Variants in EHBP1 observed in about 807,000 individuals in gnomAD.
EHBP1 encodes the protein EH domain binding protein 1, also known as EH domain-binding protein 1.
Under a neutral mutation model 144.0 loss-of-function variants are expected in EHBP1, and 55 were observed. The observed-to-expected ratio is 0.38, with a 90% CI of 0.31 to 0.48. The LOEUF (loss-of-function observed/expected upper bound fraction) is 0.48, where lower values mean the gene tolerates loss of function less well. Ranked by LOEUF, EHBP1 falls within the 20% of genes least tolerant of loss-of-function variation. The pLI is 0.98. For synonymous variants in EHBP1, 469 were observed against 472.7 expected, an observed-to-expected ratio of 0.99 and a Z score of 0.10; for missense variants, 1,200 against 1,364.2, an observed-to-expected ratio of 0.88 and a Z score of 1.90.
intron 6 of EHBP1, among the ~76,000 whole-genome samples, chr2:62,829,041 C>T (rs2046564080): frequency 6.6e-6 from 1 of 151,552 alleles, no homozygotes; most frequent in South Asian, 2.1e-4. Flanking sequence ...TTGCTTGAGC[C>T]CAGGAAGATG....
At chr2:62,757,999 G>A (rs1346149505) in intron 3 of EHBP1, among the ~76,000 whole-genome samples, 1 of 148,598 alleles carries the variant, frequency 6.7e-6, no homozygotes, top group Non-Finnish European at 1.5e-5. Flanking sequence ...GCGAAAGAGC[G>A]AGACTCTGTC....
At chr2:63,011,924 A>G (rs1450419812) in intron 19 of EHBP1, among the ~76,000 whole-genome samples, 1 of 151,946 alleles carries the variant, frequency 6.6e-6, no homozygotes, top group Non-Finnish European at 1.5e-5. Context: ...CAGTAGAACA[A>G]CTCAATGTTG....
chr2:62,958,165 A>G (rs889218401), intron 14 of EHBP1, among the ~76,000 whole-genome samples: 3 of 152,170 alleles, frequency 2.0e-5, no homozygotes, highest in African/African-American at 2.4e-5. Flanking sequence ...GCCATTGCTT[A>G]TGAAGCTAAA....
intron 3 of EHBP1, among the ~76,000 whole-genome samples, chr2:62,748,315 G>A (rs75758126): frequency 0.04 from 6,125 of 152,040 alleles, 173 homozygotes; most frequent in Non-Finnish European, 0.06. Flanking sequence ...GTGGGGAGTG[G>A]AACCGAATTT....
At chr2:62,702,088 A>T (rs1437493738), upstream of EHBP1, among the ~76,000 whole-genome samples, 1 of 152,174 alleles carries the variant, frequency 6.6e-6, no homozygotes, top group Non-Finnish European at 1.5e-5. Context: ...TTGAATCTCC[A>T]TTTGGGGAGT....
intron 7 of EHBP1, among the ~76,000 whole-genome samples, chr2:62,833,532 GGT>G (rs902731305): frequency 2.0e-5 from 3 of 152,128 alleles, no homozygotes; most frequent in Non-Finnish European, 4.4e-5. Flanking sequence ...TTTATCGCGT[GGT>G]TTACTGAATA....
chr2:62,996,465 T>A (rs1214483339), intron 18 of EHBP1, among the ~76,000 whole-genome samples, 178 bp from the exon 19 acceptor site: 1 of 152,170 alleles, frequency 6.6e-6, no homozygotes, highest in Non-Finnish European at 1.5e-5. Context: ...TATAAAAGTT[T>A]GGTATATGTA....
At chr2:62,965,748 C>T (rs192300345) in intron 14 of EHBP1, among the ~76,000 whole-genome samples, 1 of 152,318 alleles carries the variant, frequency 6.6e-6, no homozygotes, top group East Asian at 1.9e-4. Flanking sequence ...ATCTGTGAGA[C>T]AGCTCCTTCA....
chr2:62,873,211 G>A (rs932585409), intron 9 of EHBP1, among the ~76,000 whole-genome samples: 2 of 151,970 alleles, frequency 1.3e-5, no homozygotes, highest in African/African-American at 4.8e-5. Flanking sequence ...AAAAGAAATA[G>A]GATTATACAT....
At chr2:62,973,754 C>A (rs990477948) in intron 14 of EHBP1, among the ~76,000 whole-genome samples, 1 of 152,132 alleles carries the variant, frequency 6.6e-6, no homozygotes. Flanking sequence ...AATCCCTACA[C>A]TTTGGGAGGC....
chr2:62,844,679 GCCCTGATGAAT>G (rs1003854182), intron 7 of EHBP1, among the ~76,000 whole-genome samples: 5 of 152,072 alleles, frequency 3.3e-5, no homozygotes, highest in Non-Finnish European at 5.9e-5. Flanking sequence ...TAAAGACAAG[GCCCTGATGAAT>G]ACATCACAGA....
intron 20 of EHBP1, among the ~76,000 whole-genome samples, chr2:63,038,114 G>A (rs2061518583): frequency 6.6e-6 from 1 of 151,998 alleles, no homozygotes; most frequent in Non-Finnish European, 1.5e-5. Flanking sequence ...ACAGTAAAAT[G>A]GAGTCTAGAC....
intron 2 of EHBP1, among the ~76,000 whole-genome samples, chr2:62,708,354 A>G (rs1048625960): frequency 1.3e-5 from 2 of 152,230 alleles, no homozygotes; most frequent in African/African-American, 4.8e-5. Context: ...AGAATACAAC[A>G]TAATCCCTGT....
At chr2:62,870,273 G>A (rs557231231) in intron 9 of EHBP1, among the ~76,000 whole-genome samples, 32 of 152,216 alleles carry the variant, frequency 2.1e-4, no homozygotes, top group African/African-American at 7.2e-4. Flanking sequence ...TTTATAAGGG[G>A]CATTGGTGAT....
chr2:62,893,842 G>A (rs189587417), intron 10 of EHBP1, among the ~76,000 whole-genome samples: 143 of 152,138 alleles, frequency 9.4e-4, no homozygotes, highest in Non-Finnish European at 1.5e-3. Flanking sequence ...TCAGGAGTTC[G>A]AGACCAGCCT....
At chr2:63,044,239 T>C (rs1476574476) in intron 21 of EHBP1, 2 of 142,146 alleles carry the variant, frequency 1.4e-5, no homozygotes, top group African/African-American at 2.7e-5. Flanking sequence ...TTAGGAAATA[T>C]ATTATTGGGG....
intron 5 of EHBP1, among the ~76,000 whole-genome samples, chr2:62,803,342 A>G (rs2044185473): frequency 6.6e-6 from 1 of 152,176 alleles, no homozygotes; most frequent in South Asian, 2.1e-4. Context: ...TTTTATTTTG[A>G]TAGTTTTATT....
rs551811998 is a variant in EHBP1 at position 62,685,558 on chromosome 2, C to T, written c.-296+11475C>T. Among the ~76,000 whole-genome samples the T allele has an allele frequency of 3.9e-5, 6 of 152,204 alleles. No individual in the cohort carries two copies. The East Asian group carries it at 9.6e-4, about 24-fold the overall frequency. On this transcript the variant is annotated intron_variant, in intron 1 of 22. Coordinates refer to the EHBP1 transcript ENST00000405015. ...TCATATTGGACTAGGGTCCACCTGCCGACCTCATCTTAACAAATTACATCT... is the reference window on the plus strand; with the variant it reads ...TCATATTGGACTAGGGTCCACCTGCTGACCTCATCTTAACAAATTACATCT...
intron 10 of EHBP1, among the ~76,000 whole-genome samples, chr2:62,909,107 G>A (rs1033034942): frequency 5.3e-5 from 8 of 152,154 alleles, no homozygotes; most frequent in Admixed American, 2.0e-4. Flanking sequence ...TGCAAGTACC[G>A]TTTTGTTACA....
Sources: gnomAD v4.1 joint callset for allele counts (sites outside exome capture counted in the v4.1 genomes callset) on GRCh38, gnomAD v4.1.1 for gene constraint, MANE v1.5 for transcripts, NCBI Gene and HGNC (gene_info 2026-07-23, HGNC 2026-07-21) for gene names.